Variants in PRICKLE1 observed in about 807,000 individuals in gnomAD.
The protein encoded by PRICKLE1 is prickle planar cell polarity protein 1, also known as prickle-like protein 1.
PRICKLE1 carries 14 observed loss-of-function variants against 70.2 expected under a neutral mutation model. The ratio of observed to expected loss-of-function variants is 0.20; its 90% CI spans 0.13 to 0.31. The LOEUF is 0.31. Among genes scored for constraint, PRICKLE1 ranks in the 10% least tolerant of loss-of-function variants. The pLI is 1.00. For synonymous variants in PRICKLE1, 357 were observed against 379.9 expected, an observed-to-expected ratio of 0.94 and a Z score of 0.70; for missense variants, 821 against 1,026.2, an observed-to-expected ratio of 0.80 and a Z score of 2.73.
chr12:42,537,824 T>C (rs1238658573), intron 1 of PRICKLE1, among the ~76,000 whole-genome samples: 3 of 152,244 alleles, frequency 2.0e-5, no homozygotes, highest in Non-Finnish European at 4.4e-5. Context: ...CATGTCCATC[T>C]CAGGACTCAC....
chr12:42,549,318 T>C (rs894856503), intron 1 of PRICKLE1, among the ~76,000 whole-genome samples: 3 of 151,970 alleles, frequency 2.0e-5, no homozygotes, highest in East Asian at 1.9e-4. Context: ...CATAGCTGAA[T>C]CCACATCCTA....
intron 1 of PRICKLE1, among the ~76,000 whole-genome samples, chr12:42,584,010 A>T (rs892271638): frequency 2.6e-5 from 4 of 152,200 alleles, no homozygotes; most frequent in Non-Finnish European, 1.5e-5. Context: ...TATATCTAGT[A>T]GCTATTAAAA....
chr12:42,522,928 G>A (rs1939735614), intron 1 of PRICKLE1, among the ~76,000 whole-genome samples: 1 of 151,678 alleles, frequency 6.6e-6, no homozygotes, highest in Non-Finnish European at 1.5e-5. Context: ...ATGTCCCAAA[G>A]CAGTTCATGT....
intron 1 of PRICKLE1, among the ~76,000 whole-genome samples, chr12:42,475,266 A>T (rs778359779): frequency 2.0e-4 from 30 of 152,214 alleles, no homozygotes; most frequent in Non-Finnish European, 3.2e-4. Context: ...CATTACAGGC[A>T]TGGCTTTCTG....
At chr12:42,468,885 A>C in intron 4 of PRICKLE1, 56 bp from the exon 5 acceptor site, 46 of 1,520,598 alleles carry the variant, frequency 3.0e-5, no homozygotes, top group Non-Finnish European at 3.6e-5. Flanking sequence ...CAGGATTCTC[A>C]GGCTTTCCTA....
intron 1 of PRICKLE1, among the ~76,000 whole-genome samples, chr12:42,510,941 T>C (rs1395100536): frequency 6.6e-6 from 1 of 152,244 alleles, no homozygotes; most frequent in Non-Finnish European, 1.5e-5. Flanking sequence ...CCAAGTCTTA[T>C]CAGCTGGCTC....
intron 1 of PRICKLE1, among the ~76,000 whole-genome samples, chr12:42,524,474 C>T (rs1015372247): frequency 3.1e-4 from 47 of 152,200 alleles, no homozygotes; most frequent in African/African-American, 9.9e-4. Context: ...AGTGCAGTGG[C>T]GCGATCTTGG....
chr12:42,554,442 T>C (rs1940380285), intron 1 of PRICKLE1, among the ~76,000 whole-genome samples: 1 of 152,224 alleles, frequency 6.6e-6, no homozygotes, highest in African/African-American at 2.4e-5. Context: ...GGAGAAAAAT[T>C]CTATTTCCAA....
rs996739215 is a variant in PRICKLE1, at chr12:42,457,621, T to C, written c.*2188A>G. On this transcript the variant is annotated 3_prime_UTR_variant, in exon 8 of 8. Coordinates refer to ENST00000345127, the MANE Select transcript of PRICKLE1 (RefSeq NM_153026.3). ...ACGCTGCTCCCGATTTATGTGCACA[T>C]GTGCCAGTGTAGCATAATGTATGAG... is the stretch of plus-strand genomic sequence containing the variant. 1.3e-5 allele frequency: 2 copies of C among 152,216 alleles called. No homozygotes were observed. Among genetic ancestry groups the C allele is most frequent in the African/African-American group, 4.8e-5 (2 of 41,452 alleles). The allele number at this position is 152,216 out of a possible 1,614,324, so 9.4% of individuals were successfully genotyped here.
chr12:42,477,800 A>C lies in PRICKLE1; in HGVS notation c.-48-5236T>G, dbSNP rs1938627474. Among the ~76,000 whole-genome samples the C allele has an allele frequency of 2.0e-5, 3 of 152,096 alleles. No individual in the cohort carries two copies. The South Asian group carries it at 6.2e-4, about 32-fold the overall frequency. ...ATTGTCTCTTAAGGTTGATCACATG[A>C]AACGGGCAGAATCAGGTTTAAAAGT... On this transcript the variant is annotated intron_variant, in intron 1 of 7. Transcript: ENST00000345127.
intron 1 of PRICKLE1, among the ~76,000 whole-genome samples, chr12:42,549,584 C>T (rs1940274296): frequency 6.6e-6 from 1 of 152,126 alleles, no homozygotes; most frequent in Non-Finnish European, 1.5e-5. Flanking sequence ...GCACAAGCCT[C>T]CTCCCAACAA....
Position 42,459,262 on chromosome 12 carries a change from T to G in PRICKLE1, c.*547A>C. On this transcript the variant is annotated 3_prime_UTR_variant, in exon 8 of 8. Transcript: ENST00000345127. ...ATAAATAGCAATGTTTTTTGTTTTTTTTTTTCAATCTGTAGCTGGCGCTGA... is the reference window on the plus strand; with the variant it reads ...ATAAATAGCAATGTTTTTTGTTTTTGTTTTTCAATCTGTAGCTGGCGCTGA... 1.4e-6 allele frequency: 1 copy of G among 696,858 alleles called. No individual in the cohort carries two copies. Among genetic ancestry groups the G allele is most frequent in the East Asian group, 2.7e-5 (1 of 37,280 alleles). 43.2% of individuals were successfully genotyped at this position (696,858 alleles called of 1,614,324 possible). A position where few individuals can be genotyped will look rare whatever the true frequency, so the allele number is the denominator to read the frequency against.
intron 1 of PRICKLE1, among the ~76,000 whole-genome samples, chr12:42,554,753 G>A (rs1205317242): frequency 1.3e-5 from 2 of 152,174 alleles, no homozygotes; most frequent in African/African-American, 4.8e-5. Context: ...TCGTGGTGAA[G>A]GTTATAAAAC....
At chr12:42,461,829 C>T (rs1232447510) in intron 7 of PRICKLE1, among the ~76,000 whole-genome samples, 3 of 152,118 alleles carry the variant, frequency 2.0e-5, no homozygotes, top group Non-Finnish European at 2.9e-5. Context: ...GATGGAGTCT[C>T]GCTCTGTCGC....
chr12:42,555,570 A>G (rs935414915), intron 1 of PRICKLE1, among the ~76,000 whole-genome samples: 2 of 152,190 alleles, frequency 1.3e-5, no homozygotes, highest in Non-Finnish European at 2.9e-5. Context: ...TTATAAGGGA[A>G]CACAAAGATC....
intron 1 of PRICKLE1, among the ~76,000 whole-genome samples, chr12:42,566,760 A>G (rs1039721545): frequency 1.3e-5 from 2 of 152,206 alleles, no homozygotes; most frequent in Non-Finnish European, 2.9e-5. Context: ...GGCACCAGAG[A>G]TAAAGAAGTG....
At chr12:42,535,544 T>C (rs559989559) in intron 1 of PRICKLE1, among the ~76,000 whole-genome samples, 1 of 152,062 alleles carries the variant, frequency 6.6e-6, no homozygotes, top group Non-Finnish European at 1.5e-5. Context: ...ATTGAGAAAA[T>C]TGTTTGAGAA....
intron 1 of PRICKLE1, among the ~76,000 whole-genome samples, chr12:42,547,808 A>G (rs999614274): frequency 2.0e-5 from 3 of 152,226 alleles, no homozygotes; most frequent in Non-Finnish European, 4.4e-5. Context: ...TTACACATTC[A>G]TAGTACAGGT....
chr12:42,509,676 CAAT>C (rs200984206), intron 1 of PRICKLE1, among the ~76,000 whole-genome samples: 1 of 151,958 alleles, frequency 6.6e-6, no homozygotes, highest in Admixed American at 6.6e-5. Context: ...TCCTTAATAA[CAAT>C]AATAATAATA....
Sources: allele counts gnomAD v4.1 joint callset (sites outside exome capture counted in the v4.1 genomes callset), GRCh38; gene constraint gnomAD v4.1.1; transcripts MANE v1.5; gene names NCBI Gene and HGNC (gene_info 2026-07-23, HGNC 2026-07-21).